MCTP1: variants seen among roughly 807,000 people sequenced by gnomAD.
MCTP1 encodes multiple C2 and transmembrane domain containing 1.
MCTP1 carries 69 observed loss-of-function variants against 120.6 expected under a neutral mutation model. The observed-to-expected ratio is 0.57, with a 90% CI of 0.47 to 0.70. MCTP1 has a LOEUF of 0.70. Ranked by LOEUF, MCTP1 falls within the 30% of genes least tolerant of loss-of-function variation. The pLI, the probability that MCTP1 is intolerant of heterozygous loss-of-function variation, is 0.00. For missense variants in MCTP1, 1,203 were observed against 1,248.8 expected (o/e 0.96, Z 0.55); for synonymous variants, 529 against 493.1 (o/e 1.07, Z -0.96).
At chr5:94,861,638 A>C (rs1183270689) in intron 17 of MCTP1, among the ~76,000 whole-genome samples, 1 of 151,848 alleles carries the variant, frequency 6.6e-6, no homozygotes, top group African/African-American at 2.4e-5. Context: ...GTTGCAATGG[A>C]ATATGGCTTG....
intron 1 of MCTP1, among the ~76,000 whole-genome samples, chr5:95,170,599 T>C (rs888121481): frequency 2.6e-5 from 4 of 152,230 alleles, no homozygotes; most frequent in Non-Finnish European, 5.9e-5. Flanking sequence ...TGCTCCTGTA[T>C]TGGGTGCATA....
chr5:94,834,283 T>C (rs1163258071), intron 17 of MCTP1, among the ~76,000 whole-genome samples: 1 of 152,158 alleles, frequency 6.6e-6, no homozygotes, highest in Non-Finnish European at 1.5e-5. Context: ...TGCAAAGAAA[T>C]AGGTAGTTAA....
chr5:95,060,244 A>G (rs1470533312), intron 1 of MCTP1, among the ~76,000 whole-genome samples: 1 of 152,136 alleles, frequency 6.6e-6, no homozygotes, highest in Non-Finnish European at 1.5e-5. Context: ...AGAGGGGAAC[A>G]TAATCTGTGC....
rs3037035 is a variant in MCTP1, at chr5:95,151,130, CAT to C, written c.720+132724_720+132725del. Among the ~76,000 whole-genome samples the C allele has an allele frequency of 6.4e-3, 802 of 125,898 alleles. 7 individuals carry two copies. Among genetic ancestry groups the C allele is most frequent in the African/African-American group, 0.021 (720 of 34,236 alleles). The allele number at this position is 125,898 out of a possible 152,430, so 82.6% of individuals were successfully genotyped here. A position where few individuals can be genotyped will look rare whatever the true frequency, so the allele number is the denominator to read the frequency against. On this transcript the variant is annotated intron_variant, in intron 1 of 22. Transcript: ENST00000515393. ...CAGGTGTGCACCACCACGCCTGGCTCATATATATATATATATATATATATAGT... is the reference window on the plus strand; with the variant it reads ...CAGGTGTGCACCACCACGCCTGGCTCATATATATATATATATATATATAGT...
At chr5:94,738,343 T>G (rs868469508) in intron 19 of MCTP1, among the ~76,000 whole-genome samples, 23 of 152,176 alleles carry the variant, frequency 1.5e-4, no homozygotes, top group Admixed American at 1.4e-3. Flanking sequence ...ATCATTCCTC[T>G]GCTTGAGAAA....
chr5:94,933,640 C>G (rs1051451682), intron 5 of MCTP1, among the ~76,000 whole-genome samples: 1 of 151,788 alleles, frequency 6.6e-6, no homozygotes, highest in Non-Finnish European at 1.5e-5. Flanking sequence ...GGTCACTTAT[C>G]ATCATTATCT....
chr5:94,829,246 C>T (rs1787962580), intron 17 of MCTP1, among the ~76,000 whole-genome samples: 1 of 152,160 alleles, frequency 6.6e-6, no homozygotes, highest in Non-Finnish European at 1.5e-5. Context: ...CTTGTGCTTC[C>T]TGGGTGAGGC....
intron 5 of MCTP1, among the ~76,000 whole-genome samples, chr5:94,935,373 C>T (rs1179025598): frequency 6.6e-6 from 1 of 151,792 alleles, no homozygotes; most frequent in Non-Finnish European, 1.5e-5. Context: ...ATTCATGGAA[C>T]GTATTGTTAC....
chr5:94,886,259 T>G (rs779134421), intron 12 of MCTP1, among the ~76,000 whole-genome samples: 1 of 152,212 alleles, frequency 6.6e-6, no homozygotes, highest in Non-Finnish European at 1.5e-5. Context: ...AGTATCACAA[T>G]GTTTCTCAAT....
At chr5:95,219,926 G>C (rs982153597) in intron 1 of MCTP1, among the ~76,000 whole-genome samples, 2 of 152,194 alleles carry the variant, frequency 1.3e-5, no homozygotes, top group African/African-American at 2.4e-5. Context: ...GAGAAGTTCT[G>C]TTAGGTCCTA....
At position 94,805,152 on chromosome 5, in the gene MCTP1, T is replaced by C. The variant is rs536912748; in HGVS notation, c.2437-6020A>G. On this transcript the variant is annotated intron_variant, in intron 17 of 22. Transcript: ENST00000515393. ...AATTCTAATTCTTGTTCATAGTCTT[T>C]GTTCATTTTTAAATTCAAAAATCTT... 1.6e-4 allele frequency among the ~76,000 whole-genome samples: 24 copies of C among 152,352 alleles called. 1 individual carries two copies. The South Asian group carries it at 3.5e-3, about 22-fold the overall frequency.
intron 2 of MCTP1, among the ~76,000 whole-genome samples, chr5:95,013,958 A>G (rs996832875): frequency 2.6e-5 from 4 of 152,000 alleles, no homozygotes; most frequent in African/African-American, 9.7e-5. Context: ...ATCATTCTAG[A>G]TGCCATAAAG....
At chr5:95,054,517 C>T (rs984641123) in intron 1 of MCTP1, among the ~76,000 whole-genome samples, 2 of 152,114 alleles carry the variant, frequency 1.3e-5, no homozygotes, top group Admixed American at 1.3e-4. Flanking sequence ...CAAATACAAT[C>T]AAGATGCTAG....
In MCTP1 at chr5:95,047,904, C is replaced by T. The variant is rs1295400956; in HGVS notation, c.721-30420G>A. ...TGGATTAAGAGGTGGCTCCTACCCA[C>T]TAGCTAACTCATAAATTTGGTACAT... On this transcript the variant is annotated intron_variant, in intron 1 of 22. Transcript: ENST00000515393. Among the ~76,000 whole-genome samples the T allele has an allele frequency of 3.3e-5, 5 of 152,140 alleles. No homozygotes were observed. The East Asian group carries it at 7.7e-4, about 23-fold the overall frequency.
At position 95,174,136 on chromosome 5, in the gene MCTP1, G is replaced by C. The variant is rs541583727; in HGVS notation, c.720+109720C>G. On this transcript the variant is annotated intron_variant, in intron 1 of 22. Transcript: ENST00000515393. ...CACAGAATTACAATGCCTTGCTAGG[G>C]GAGGGGCATGATAACTATTTGTTGA... Among the ~76,000 whole-genome samples the C allele has an allele frequency of 1.1e-3, 166 of 152,050 alleles. 3 individuals are homozygous for C. Among genetic ancestry groups the C allele is most frequent in the African/African-American group, 3.8e-3 (157 of 41,354 alleles).
intron 1 of MCTP1, among the ~76,000 whole-genome samples, chr5:95,117,344 T>C (rs1757894970): frequency 7.5e-6 from 1 of 133,752 alleles, no homozygotes; most frequent in African/African-American, 2.9e-5. Context: ...TGAGCCAAGA[T>C]TGCGCCACTG....
intron 2 of MCTP1, among the ~76,000 whole-genome samples, chr5:95,007,500 A>C (rs962010198): frequency 6.6e-6 from 1 of 152,174 alleles, no homozygotes; most frequent in Non-Finnish European, 1.5e-5. Context: ...TGCCTTCCTC[A>C]ATCAGAGAAT....
At chr5:94,854,467 T>G (rs963707657) in intron 17 of MCTP1, among the ~76,000 whole-genome samples, 1 of 151,826 alleles carries the variant, frequency 6.6e-6, no homozygotes, top group African/African-American at 2.4e-5. Flanking sequence ...TAATAGAAAA[T>G]GTGCTAATTG....
At chr5:94,759,338 A>G (rs1336548357) in intron 19 of MCTP1, among the ~76,000 whole-genome samples, 2 of 152,206 alleles carry the variant, frequency 1.3e-5, no homozygotes, top group East Asian at 1.9e-4. Context: ...CAACCCCACC[A>G]GATGCAGAAG....
Sources: gnomAD v4.1 joint callset for allele counts (sites outside exome capture counted in the v4.1 genomes callset) on GRCh38, gnomAD v4.1.1 for gene constraint, MANE v1.5 for transcripts, NCBI Gene and HGNC (gene_info 2026-07-23, HGNC 2026-07-21) for gene names.